Variants in COL15A1 observed in about 807,000 individuals in gnomAD.
COL15A1 encodes collagen alpha-1(XV) chain.
COL15A1 carries 111 observed loss-of-function variants against 165.9 expected under a neutral mutation model. That is an observed-to-expected ratio of 0.67 (90% CI 0.57 to 0.78). The LOEUF is 0.78. Among genes scored for constraint, COL15A1 ranks in the 30% least tolerant of loss-of-function variants. COL15A1 has a pLI of 0.00. For synonymous variants in COL15A1, 659 were observed against 674.8 expected (o/e 0.98, Z 0.36); for missense variants, 1,745 against 1,789.7 (o/e 0.98, Z 0.45).
intron 2 of COL15A1, among the ~76,000 whole-genome samples, chr9:98,950,382 A>T (rs1236510115): frequency 1.3e-5 from 2 of 152,166 alleles, no homozygotes; most frequent in African/African-American, 2.4e-5. Context: ...ATTTTAGTGG[A>T]TATAAAATGG....
At chr9:99,063,176 G>A (rs548330037) in intron 39 of COL15A1, 67 bp downstream of exon 39, 1 of 1,475,870 alleles carries the variant, frequency 6.8e-7, no homozygotes, top group Non-Finnish European at 9.0e-7. Flanking sequence ...TAGGTCTCAT[G>A]CTTAGTACAC....
chr9:98,983,571 ATT>A (rs1446845240), intron 2 of COL15A1, among the ~76,000 whole-genome samples: 1 of 152,124 alleles, frequency 6.6e-6, no homozygotes. Context: ...TGAAAACCAC[ATT>A]GTTATTATTC....
In COL15A1 at chr9:99,066,894, G is replaced by T. The variant is rs775533962; in HGVS notation, c.3664G>T (p.Ala1222Ser). 9 of 1,613,392 alleles carry T rather than the reference G, an allele frequency of 5.6e-6. No individual in the cohort carries two copies. Among genetic ancestry groups the T allele is most frequent in the Non-Finnish European group, 8.5e-7 (1 of 1,179,814 alleles). The change falls in exon 40 of 42, where the codon GCT becomes TCT. Residue 1222 changes from alanine to serine, a missense_variant. Coordinates refer to ENST00000375001, the MANE Select transcript of COL15A1 (RefSeq NM_001855.5). The stretch of plus-strand genomic sequence containing the variant: ...TCACATTTTTCAGCTGCATTTGGCT[G>T]CTCTGAACATGCCATTTTCTGGGGA... ...NYEKPALHLA[A>S]LNMPFSGDIR...
chr9:98,985,739 C>T lies in COL15A1; in HGVS notation c.275C>T (p.Ala92Val), dbSNP rs1235328639. The T allele has an allele frequency of 4.3e-6, 7 of 1,614,218 alleles. No homozygotes were observed. The highest frequency in any genetic ancestry group is 5.9e-6 in the Non-Finnish European group (7 of 1,180,044). The change falls in exon 3 of 42, where the codon GCC becomes GTC. Residue 92 changes from alanine to valine, a missense_variant. Coordinates refer to ENST00000375001, the MANE Select transcript of COL15A1 (RefSeq NM_001855.5). ...CCATCCACCTTCTTCAGGGACTTCG[C>T]CATCAGCGTCGTGGTGAAGCCCAGC... is the stretch of plus-strand genomic sequence containing the variant. The part of the protein sequence containing the change: ...LIPSTFFRDF[A>V]ISVVVKPSST...
chr9:98,947,790 G>A (rs929337877), intron 2 of COL15A1, among the ~76,000 whole-genome samples: 12 of 152,168 alleles, frequency 7.9e-5, no homozygotes, highest in South Asian at 2.1e-4. Flanking sequence ...CCTCAGGTAG[G>A]GGTAGAACAC....
intron 28 of COL15A1, among the ~76,000 whole-genome samples, 167 bp downstream of exon 28, chr9:99,048,167 T>G (rs1388805545): frequency 6.6e-6 from 1 of 152,116 alleles, no homozygotes; most frequent in Non-Finnish European, 1.5e-5. Flanking sequence ...CAGCTCCCTC[T>G]CAGGAGGGTC....
chr9:98,947,771 G>A (rs529755740), intron 2 of COL15A1, among the ~76,000 whole-genome samples: 1 of 152,304 alleles, frequency 6.6e-6, no homozygotes, highest in East Asian at 1.9e-4. Flanking sequence ...GTGGGCCCAG[G>A]ACAGGGCTCC....
intron 16 of COL15A1, among the ~76,000 whole-genome samples, chr9:99,033,601 A>T (rs1314499849): frequency 6.6e-6 from 1 of 152,116 alleles, no homozygotes; most frequent in Non-Finnish European, 1.5e-5. Context: ...TTTGGATTTA[A>T]TGCCACTCCC....
At chr9:98,947,728 G>T (rs1434950456) in intron 2 of COL15A1, among the ~76,000 whole-genome samples, 4 of 152,156 alleles carry the variant, frequency 2.6e-5, no homozygotes, top group Non-Finnish European at 5.9e-5. Flanking sequence ...CAGGTCTCTG[G>T]ATCGACTCTC....
chr9:99,057,767 C>T (rs1298161159), intron 35 of COL15A1, among the ~76,000 whole-genome samples: 1 of 152,078 alleles, frequency 6.6e-6, no homozygotes, highest in Non-Finnish European at 1.5e-5. Context: ...TGAAGGCATA[C>T]TTTTTTGTTG....
At chr9:99,050,573 G>A (rs2117880677) in intron 30 of COL15A1, among the ~76,000 whole-genome samples, 2 of 152,344 alleles carry the variant, frequency 1.3e-5, no homozygotes, top group East Asian at 3.9e-4. Flanking sequence ...ATTTCTGTGA[G>A]AAAACCCAGT....
intron 2 of COL15A1, among the ~76,000 whole-genome samples, chr9:98,949,742 A>T (rs915067313): frequency 1.3e-5 from 2 of 152,236 alleles, no homozygotes; most frequent in South Asian, 4.1e-4. Flanking sequence ...AGTGTCATTT[A>T]GTTCCTTCAC....
intron 35 of COL15A1, among the ~76,000 whole-genome samples, chr9:99,058,815 C>G (rs1486272886): frequency 6.6e-6 from 1 of 152,216 alleles, no homozygotes; most frequent in Non-Finnish European, 1.5e-5. Flanking sequence ...CACTGGCCCT[C>G]TATCCACTAG....
chr9:99,037,140 C>A (rs549373522), intron 21 of COL15A1, among the ~76,000 whole-genome samples: 17 of 152,292 alleles, frequency 1.1e-4, no homozygotes, highest in African/African-American at 3.8e-4. Context: ...AGGAAAGCAT[C>A]CTCTTCCCAA....
At chr9:99,025,493 T>A (rs1163333043) in intron 15 of COL15A1, among the ~76,000 whole-genome samples, 2 of 152,200 alleles carry the variant, frequency 1.3e-5, no homozygotes, top group East Asian at 3.9e-4. Context: ...TTAAATGCAT[T>A]TTGGACTTAA....
chr9:98,966,684 C>A (rs1204977888), intron 2 of COL15A1, among the ~76,000 whole-genome samples: 1 of 152,202 alleles, frequency 6.6e-6, no homozygotes, highest in Non-Finnish European at 1.5e-5. Context: ...TGAAGGAGAG[C>A]CGAGGGCAGC....
intron 31 of COL15A1, among the ~76,000 whole-genome samples, chr9:99,052,830 A>G (rs1157515059): frequency 6.6e-6 from 1 of 152,144 alleles, no homozygotes; most frequent in Non-Finnish European, 1.5e-5. Flanking sequence ...TTTAAAAACA[A>G]TTATAGTGCA....
At chr9:99,004,551 C>A (rs1272072443) in intron 8 of COL15A1, among the ~76,000 whole-genome samples, 1 of 152,086 alleles carries the variant, frequency 6.6e-6, no homozygotes, top group Non-Finnish European at 1.5e-5. Flanking sequence ...AGTCTGAGGA[C>A]CTAGACTTTT....
At chr9:99,052,896 G>A (rs79446785) in intron 31 of COL15A1, among the ~76,000 whole-genome samples, 1,692 of 152,260 alleles carry the variant, frequency 0.011, 22 homozygotes, top group African/African-American at 0.039. Flanking sequence ...CCCTTGCCTC[G>A]GTGTCCATGC....
Sources: allele counts gnomAD v4.1 joint callset (sites outside exome capture counted in the v4.1 genomes callset), GRCh38; gene constraint gnomAD v4.1.1; transcripts MANE v1.5; gene names NCBI Gene and HGNC (gene_info 2026-07-23, HGNC 2026-07-21).